Variants in SCMH1 observed in about 807,000 individuals in gnomAD.
The protein encoded by SCMH1 is Scm polycomb group protein homolog 1.
In SCMH1, 37 loss-of-function variants were observed where a neutral mutation model predicts 70.8. The ratio of observed to expected loss-of-function variants is 0.52; its 90% CI spans 0.40 to 0.69. The LOEUF (loss-of-function observed/expected upper bound fraction) is 0.69. Among genes scored for constraint, SCMH1 ranks in the 30% least tolerant of loss-of-function variants. The pLI, the probability that SCMH1 is intolerant of heterozygous loss-of-function variation, is 0.00. For synonymous variants in SCMH1, 292 were observed against 307.4 expected (o/e 0.95, Z 0.52); for missense variants, 607 against 827.3 (o/e 0.73, Z 3.27).
chr1:41,222,464 GA>G (rs1476344914), intron 1 of SCMH1, among the ~76,000 whole-genome samples: 10 of 151,786 alleles, frequency 6.6e-5, no homozygotes, highest in East Asian at 3.9e-4. Context: ...CTTCATATAG[GA>G]AAAAAACCCT....
chr1:41,237,697 C>A (rs1367403910), intron 1 of SCMH1, among the ~76,000 whole-genome samples: 2 of 152,138 alleles, frequency 1.3e-5, no homozygotes, highest in East Asian at 3.8e-4. Flanking sequence ...TATATATCTA[C>A]CTAAATTATT....
At chr1:41,219,704 C>A (rs1030817969) in intron 1 of SCMH1, among the ~76,000 whole-genome samples, 1 of 152,098 alleles carries the variant, frequency 6.6e-6, no homozygotes, top group African/African-American at 2.4e-5. Flanking sequence ...CCAAGGTGGG[C>A]GGATCACTTG....
chr1:41,085,669 G>A (rs1156870543), intron 8 of SCMH1, among the ~76,000 whole-genome samples: 2 of 152,136 alleles, frequency 1.3e-5, no homozygotes, highest in African/African-American at 4.8e-5. Flanking sequence ...AATGTGACTA[G>A]TTCAAACTGA....
In SCMH1 at chr1:41,121,117, C is replaced by T. The variant is rs148134524; in HGVS notation, c.413-4107G>A. Among the ~76,000 whole-genome samples the T allele has an allele frequency of 1.3e-3, 192 of 152,250 alleles. 1 individual carries two copies. Among genetic ancestry groups the T allele is most frequent in the African/African-American group, 4.5e-3 (187 of 41,554 alleles). ...CTCTCTCTAGCTTCAGTTTCCTCAA[C>T]AACAGCATGGGATAAGAATCAATGG... On this transcript the variant is annotated intron_variant, in intron 6 of 14. Coordinates refer to ENST00000337495, the Ensembl canonical transcript of SCMH1.
At chr1:41,143,378 T>C (rs932769025) in intron 5 of SCMH1, among the ~76,000 whole-genome samples, 6 of 152,098 alleles carry the variant, frequency 3.9e-5, no homozygotes, top group Non-Finnish European at 7.4e-5. Flanking sequence ...TGTTTTCTCA[T>C]TCTATAATTC....
intron 12 of SCMH1, among the ~76,000 whole-genome samples, chr1:41,042,271 T>C (rs1156319244): frequency 6.6e-6 from 1 of 151,574 alleles, no homozygotes; most frequent in Non-Finnish European, 1.5e-5. Context: ...TTTTTTGAGA[T>C]GGAGTTTCGC....
intron 7 of SCMH1, among the ~76,000 whole-genome samples, chr1:41,114,204 G>GAT (rs1055974740): frequency 6.6e-6 from 1 of 152,136 alleles, no homozygotes; most frequent in African/African-American, 2.4e-5. Context: ...TTATAGGGTA[G>GAT]ATATATACAT....
intron 9 of SCMH1, among the ~76,000 whole-genome samples, chr1:41,072,269 GGA>G (rs1449333380): frequency 6.6e-6 from 1 of 152,138 alleles, no homozygotes; most frequent in African/African-American, 2.4e-5. Flanking sequence ...AGGGAAGAAG[GGA>G]AATACCACTT....
chr1:41,070,523 G>C, intron 10 of SCMH1, 72 bp downstream of exon 10: 1 of 1,582,406 alleles, frequency 6.3e-7, no homozygotes. Flanking sequence ...CTAATTACTG[G>C]TGTAAGACAA....
At chr1:41,206,994 A>G (rs1294200769) in intron 1 of SCMH1, among the ~76,000 whole-genome samples, 3 of 152,230 alleles carry the variant, frequency 2.0e-5, no homozygotes, top group Admixed American at 1.3e-4. Context: ...AAATGCTCAG[A>G]GATTTTGTCA....
intron 2 of SCMH1, among the ~76,000 whole-genome samples, chr1:41,161,887 G>A (rs995251408): frequency 3.9e-5 from 6 of 152,200 alleles, no homozygotes; most frequent in African/African-American, 9.7e-5. Context: ...TCCCCACTCC[G>A]CAGTACCGCA....
At chr1:41,065,617 GA>G (rs1350030417) in intron 10 of SCMH1, among the ~76,000 whole-genome samples, 7 of 152,142 alleles carry the variant, frequency 4.6e-5, no homozygotes, top group Non-Finnish European at 8.8e-5. Context: ...CTAAAGTATA[GA>G]CAGATCAATG....
intron 10 of SCMH1, among the ~76,000 whole-genome samples, chr1:41,064,371 A>G (rs1184573466): frequency 6.6e-6 from 1 of 152,240 alleles, no homozygotes; most frequent in Non-Finnish European, 1.5e-5. Context: ...CCTCTTCAAC[A>G]TCATACTGGA....
chr1:41,118,729 G>T (rs1671160621), intron 6 of SCMH1, among the ~76,000 whole-genome samples: 1 of 152,320 alleles, frequency 6.6e-6, no homozygotes, highest in African/African-American at 2.4e-5. Flanking sequence ...CATTATTACA[G>T]TTAGGTCTTC....
chr1:41,178,423 A>C (rs573438629), intron 2 of SCMH1, among the ~76,000 whole-genome samples: 1 of 152,342 alleles, frequency 6.6e-6, no homozygotes, highest in South Asian at 2.1e-4. Context: ...TAAATGCTCC[A>C]AGTAAAAGAC....
At chr1:41,139,490 T>A (rs1164115394) in intron 6 of SCMH1, among the ~76,000 whole-genome samples, 1 of 152,186 alleles carries the variant, frequency 6.6e-6, no homozygotes, top group African/African-American at 2.4e-5. Flanking sequence ...TTCTGGAGAA[T>A]TTTTGGAAAT....
chr1:41,095,220 T>G (rs1664758446), intron 8 of SCMH1, among the ~76,000 whole-genome samples: 2 of 152,226 alleles, frequency 1.3e-5, no homozygotes, highest in African/African-American at 4.8e-5. Flanking sequence ...TAACCCATAC[T>G]CTAGCATTTG....
At chr1:41,052,226 C>A (rs1261372356) in intron 10 of SCMH1, among the ~76,000 whole-genome samples, 1 of 152,174 alleles carries the variant, frequency 6.6e-6, no homozygotes, top group African/African-American at 2.4e-5. Flanking sequence ...CGGGGGTCTA[C>A]AGCCTGTTAG....
intron 2 of SCMH1, among the ~76,000 whole-genome samples, chr1:41,184,840 GAAA>G (rs926244650): frequency 3.9e-5 from 6 of 152,176 alleles, no homozygotes; most frequent in African/African-American, 1.4e-4. Context: ...ATTCAGCCTT[GAAA>G]TTCTTTCACT....
Sources: gnomAD v4.1 joint callset for allele counts (sites outside exome capture counted in the v4.1 genomes callset) on GRCh38, gnomAD v4.1.1 for gene constraint, MANE v1.5 for transcripts, NCBI Gene and HGNC (gene_info 2026-07-23, HGNC 2026-07-21) for gene names.